Variants in MMP16 observed in about 807,000 individuals in gnomAD.
The protein encoded by MMP16 is matrix metalloproteinase-16.
MMP16 carries 12 observed loss-of-function variants against 67.8 expected under a neutral mutation model. The ratio of observed to expected loss-of-function variants is 0.18; its 90% CI spans 0.11 to 0.29. MMP16 has a LOEUF of 0.29. Ranked by LOEUF, MMP16 falls within the 10% of genes least tolerant of loss-of-function variation. MMP16 has a pLI of 1.00. For synonymous variants in MMP16, 249 were observed against 255.9 expected (o/e 0.97, Z 0.26); for missense variants, 475 against 765.7 (o/e 0.62, Z 4.48).
At chr8:88,119,241 T>C (rs1807779250) in intron 4 of MMP16, among the ~76,000 whole-genome samples, 1 of 152,140 alleles carries the variant, frequency 6.6e-6, no homozygotes. Context: ...TTCTAACAAC[T>C]TAGTAAAAAA....
chr8:88,145,854 G>A (rs552325762), intron 4 of MMP16, among the ~76,000 whole-genome samples: 7 of 152,066 alleles, frequency 4.6e-5, no homozygotes, highest in African/African-American at 1.7e-4. Context: ...ATATTTGGTT[G>A]TTGTAATTCA....
At chr8:88,231,274 C>T (rs1809855433) in intron 1 of MMP16, among the ~76,000 whole-genome samples, 1 of 152,132 alleles carries the variant, frequency 6.6e-6, no homozygotes, top group Admixed American at 6.6e-5. Flanking sequence ...CAACTCAAAA[C>T]TGAGCGGTTC....
intron 1 of MMP16, among the ~76,000 whole-genome samples, chr8:88,229,201 AC>A (rs775852330): frequency 3.9e-5 from 6 of 152,098 alleles, no homozygotes; most frequent in Non-Finnish European, 8.8e-5. Context: ...AACTGTTGTT[AC>A]TTTATTTGAT....
intron 1 of MMP16, among the ~76,000 whole-genome samples, chr8:88,287,059 T>C (rs896395741): frequency 2.6e-5 from 4 of 152,162 alleles, no homozygotes; most frequent in African/African-American, 7.2e-5. Context: ...CACTGCAACA[T>C]ATAACCACTT....
intron 4 of MMP16, among the ~76,000 whole-genome samples, chr8:88,126,841 A>G (rs996911329): frequency 6.6e-6 from 1 of 151,898 alleles, no homozygotes; most frequent in Admixed American, 6.6e-5. Context: ...TAGGGTTGTT[A>G]GTAGGTTAAA....
intron 1 of MMP16, among the ~76,000 whole-genome samples, chr8:88,238,285 G>A (rs1006189974): frequency 6.6e-6 from 1 of 152,178 alleles, no homozygotes; most frequent in Non-Finnish European, 1.5e-5. Context: ...AGCCGAGGCA[G>A]ATGGATCATT....
chr8:88,299,103 A>G (rs575763767), intron 1 of MMP16, among the ~76,000 whole-genome samples: 37 of 152,296 alleles, frequency 2.4e-4, no homozygotes, highest in African/African-American at 6.5e-4. Flanking sequence ...GGTCAAAGGA[A>G]GAAAGTTGAG....
At chr8:88,308,005 A>G (rs1341845239) in intron 1 of MMP16, among the ~76,000 whole-genome samples, 2 of 152,148 alleles carry the variant, frequency 1.3e-5, no homozygotes, top group African/African-American at 4.8e-5. Context: ...GGGAAGAAGC[A>G]GAAACTTCAA....
rs2118166772 is a variant in MMP16, at chr8:88,035,501, A to G, written c.*5960T>C. On this transcript the variant is annotated 3_prime_UTR_variant, in exon 10 of 10. Coordinates refer to ENST00000286614, the MANE Select transcript of MMP16 (RefSeq NM_005941.5). This position sits in a 1 kb window ranked among gnomAD's most constrained non-coding sequence, Gnocchi z 4.7. ...TATAAATAAATGTCTTTCATACATA[A>G]CTTTTTATACTTACTCTGCACTGAC... The G allele has an allele frequency of 6.6e-6, 1 of 152,116 alleles. No individual in the cohort carries two copies. The highest frequency in any genetic ancestry group is 2.1e-4 in the South Asian group (1 of 4,828). 9.4% of individuals were successfully genotyped at this position (152,116 alleles called of 1,614,324 possible).
rs1808529521 is a variant in MMP16 at position 88,070,229 on chromosome 8, TC to T, written c.1222+4375del. 4.6e-5 allele frequency among the ~76,000 whole-genome samples: 7 copies of T among 152,286 alleles called. No individual in the cohort carries two copies. In the South Asian group the frequency reaches 1.4e-3, roughly 32 times the overall value. On this transcript the variant is annotated intron_variant, in intron 7 of 9. Transcript: ENST00000286614. ...ACCTTGTTGGGTCAGTATCTCTGTATCCCTATAAATATTCTTGAGCTTTGTT... is the reference window on the plus strand; with the variant it reads ...ACCTTGTTGGGTCAGTATCTCTGTATCCTATAAATATTCTTGAGCTTTGTT...
At chr8:88,045,687 T>C (rs2118196866) in intron 9 of MMP16, among the ~76,000 whole-genome samples, 1 of 152,200 alleles carries the variant, frequency 6.6e-6, no homozygotes, top group South Asian at 2.1e-4. Flanking sequence ...ACACTTAAGG[T>C]CAATCACAGT....
intron 1 of MMP16, among the ~76,000 whole-genome samples, chr8:88,305,218 A>C (rs1194750626): frequency 6.6e-6 from 1 of 152,230 alleles, no homozygotes; most frequent in Non-Finnish European, 1.5e-5. Context: ...ATGATGGTAA[A>C]TGGTTCAATT....
chr8:88,052,392 C>A (rs1050841947), intron 8 of MMP16, among the ~76,000 whole-genome samples: 1 of 152,136 alleles, frequency 6.6e-6, no homozygotes, highest in Non-Finnish European at 1.5e-5. Flanking sequence ...TTATCATACT[C>A]AAAATGTATC....
intron 1 of MMP16, among the ~76,000 whole-genome samples, chr8:88,238,960 C>G (rs1809990100): frequency 6.6e-6 from 1 of 152,102 alleles, no homozygotes; most frequent in South Asian, 2.1e-4. Context: ...CCCGCCTCTA[C>G]TAAAAATACA....
intron 4 of MMP16, among the ~76,000 whole-genome samples, chr8:88,153,995 A>G (rs1459768220): frequency 4.7e-5 from 7 of 150,354 alleles, no homozygotes; most frequent in African/African-American, 1.2e-4. Flanking sequence ...TCCAGAATCT[A>G]TAATGAACTC....
At chr8:88,142,218 G>T (rs1045591302) in intron 4 of MMP16, among the ~76,000 whole-genome samples, 1 of 151,790 alleles carries the variant, frequency 6.6e-6, no homozygotes, top group Non-Finnish European at 1.5e-5. Flanking sequence ...CCATAAATAC[G>T]TTCATTACAG....
intron 8 of MMP16, among the ~76,000 whole-genome samples, chr8:88,052,754 T>C (rs1024836340): frequency 6.6e-6 from 1 of 152,198 alleles, no homozygotes; most frequent in African/African-American, 2.4e-5. Flanking sequence ...TGCCTTTGCA[T>C]GACTATAGCA....
At chr8:88,174,813 G>T (rs1162868564) in intron 3 of MMP16, among the ~76,000 whole-genome samples, 2 of 150,304 alleles carry the variant, frequency 1.3e-5, no homozygotes, top group Non-Finnish European at 2.9e-5. Flanking sequence ...GGCGTGCAGT[G>T]GCACAATCTC....
chr8:88,278,450 A>C (rs1051643477), intron 1 of MMP16, among the ~76,000 whole-genome samples: 1 of 152,220 alleles, frequency 6.6e-6, no homozygotes, highest in African/African-American at 2.4e-5. Context: ...GATGGGAAGC[A>C]TAAGAAGTAT....
Sources: gnomAD v4.1 joint callset for allele counts (sites outside exome capture counted in the v4.1 genomes callset) on GRCh38, gnomAD v4.1.1 for gene constraint, Gnocchi (gnomAD v3.1) non-coding constraint, MANE v1.5 for transcripts, NCBI Gene and HGNC (gene_info 2026-07-23, HGNC 2026-07-21) for gene names.